The following RORA variants were observed in gnomAD, a reference collection of about 807,000 sequenced individuals.
The protein encoded by RORA is nuclear receptor ROR-alpha.
A neutral mutation model predicts 69.5 loss-of-function variants in RORA; 7 were observed. The ratio of observed to expected loss-of-function variants is 0.10; its 90% CI spans 0.06 to 0.19. The LOEUF (loss-of-function observed/expected upper bound fraction) is 0.19. Ranked by LOEUF, RORA falls within the 10% of genes least tolerant of loss-of-function variation. The pLI is 1.00. For missense variants in RORA, 457 were observed against 663.0 expected, an observed-to-expected ratio of 0.69 and a Z score of 3.41; for synonymous variants, 261 against 240.8, an observed-to-expected ratio of 1.08 and a Z score of -0.78.
At chr15:61,030,313 T>C (rs1214143537) in intron 1 of RORA, among the ~76,000 whole-genome samples, 2 of 152,194 alleles carry the variant, frequency 1.3e-5, no homozygotes, top group African/African-American at 2.4e-5. Flanking sequence ...TTTGCTGATA[T>C]TGATGGTTGT....
intron 2 of RORA, among the ~76,000 whole-genome samples, chr15:60,649,241 GA>G (rs11478657): frequency 0.21 from 30,196 of 143,720 alleles, 2,999 homozygotes; most frequent in Middle Eastern, 0.29. Context: ...TTGCTTCCAG[GA>G]AAAAAAAAAA....
chr15:60,865,775 G>A (rs1477143233), intron 1 of RORA, among the ~76,000 whole-genome samples: 1 of 152,130 alleles, frequency 6.6e-6, no homozygotes, highest in African/African-American at 2.4e-5. Flanking sequence ...CCCAACCACA[G>A]AGAGTTCCTA....
At chr15:60,778,691 C>T (rs1461211338) in intron 1 of RORA, among the ~76,000 whole-genome samples, 1 of 152,180 alleles carries the variant, frequency 6.6e-6, no homozygotes, top group African/African-American at 2.4e-5. Flanking sequence ...TTCTCCCACC[C>T]TTACCCCTTC....
Position 60,823,583 on chromosome 15 carries a change from A to C in RORA, c.167-144897T>G, listed in dbSNP as rs568986849. On this transcript the variant is annotated intron_variant, in intron 1 of 10. Transcript: ENST00000335670. ...ATGGATGGATAGACATTAGGTGCAT[A>C]TAGGCAAGACAGATGTCTGAATTTT... 9.2e-5 allele frequency among the ~76,000 whole-genome samples: 14 copies of C among 152,342 alleles called. No homozygotes were observed. The South Asian group carries it at 2.9e-3, about 32-fold the overall frequency.
chr15:60,533,577 C>T (rs920205), intron 2 of RORA, among the ~76,000 whole-genome samples: 75,831 of 152,126 alleles, frequency 0.5, 22,961 homozygotes, highest in East Asian at 0.83. Flanking sequence ...TGCCACAGAT[C>T]TGCAACTCTA....
intron 1 of RORA, among the ~76,000 whole-genome samples, chr15:60,693,838 G>T (rs1432551460): frequency 6.6e-6 from 1 of 152,058 alleles, no homozygotes; most frequent in Non-Finnish European, 1.5e-5. Flanking sequence ...TGGATAGGAA[G>T]AATCAATATC....
intron 2 of RORA, 199 bp downstream of exon 2, chr15:60,678,458 C>T: frequency 1.9e-6 from 1 of 539,726 alleles, no homozygotes; most frequent in Non-Finnish European, 3.3e-6. Context: ...TGTCTCTAGC[C>T]TCTCTCTTCA....
Position 60,534,266 on chromosome 15 carries a change from A to C in RORA, c.197-2415T>G, listed in dbSNP as rs1485973934. On this transcript the variant is annotated intron_variant, in intron 2 of 10. Transcript: ENST00000335670. This position sits in a 1 kb window ranked among gnomAD's most constrained non-coding sequence, Gnocchi z 5.0. ...AGCACTTCCACCCTTGGAATGGCTC[A>C]TGTCCTGGCAGGGGTGAGGGTAGGG... is the stretch of plus-strand genomic sequence containing the variant. 6.6e-6 allele frequency among the ~76,000 whole-genome samples: 1 copy of C among 152,116 alleles called. No homozygotes were observed. Among genetic ancestry groups the C allele is most frequent in the Non-Finnish European group, 1.5e-5 (1 of 68,002 alleles).
intron 1 of RORA, among the ~76,000 whole-genome samples, chr15:61,098,139 CCTT>C (rs2078820496): frequency 2.6e-5 from 3 of 114,918 alleles, no homozygotes; most frequent in African/African-American, 6.1e-5. Flanking sequence ...CTCCCTCCCT[CCTT>C]CTTTCCCTCC....
intron 1 of RORA, among the ~76,000 whole-genome samples, chr15:60,887,716 A>G (rs2073767121): frequency 1.3e-5 from 2 of 152,198 alleles, no homozygotes; most frequent in South Asian, 4.1e-4. Flanking sequence ...CAGTACTAGC[A>G]TGAAAGGTTG....
At chr15:61,058,756 G>A (rs1479893332) in intron 1 of RORA, among the ~76,000 whole-genome samples, 1 of 152,166 alleles carries the variant, frequency 6.6e-6, no homozygotes, top group Non-Finnish European at 1.5e-5. Flanking sequence ...TCATCACACT[G>A]TATCATAACG....
intron 1 of RORA, among the ~76,000 whole-genome samples, chr15:60,991,867 C>T (rs906940580): frequency 2.0e-5 from 3 of 151,898 alleles, no homozygotes; most frequent in Non-Finnish European, 4.4e-5. Flanking sequence ...GACAGCATCC[C>T]TGTACTCCAG....
At chr15:60,696,610 CATTTACTTT>C (rs2070910270) in intron 1 of RORA, among the ~76,000 whole-genome samples, 1 of 152,146 alleles carries the variant, frequency 6.6e-6, no homozygotes, top group East Asian at 1.9e-4. Flanking sequence ...TCATATTCCT[CATTTACTTT>C]AATTATATTG....
At chr15:60,541,161 G>C (rs2066859631) in intron 2 of RORA, among the ~76,000 whole-genome samples, 1 of 152,172 alleles carries the variant, frequency 6.6e-6, no homozygotes, top group Admixed American at 6.5e-5. Context: ...ACCACTTTAA[G>C]ATTGTAAGAT....
intron 1 of RORA, among the ~76,000 whole-genome samples, chr15:61,014,030 G>A (rs988643200): frequency 3.3e-5 from 5 of 151,978 alleles, no homozygotes; most frequent in Non-Finnish European, 4.4e-5. Flanking sequence ...TGATCTGCCC[G>A]CCTCGGCCTC....
chr15:60,916,237 G>T (rs1406795458), intron 1 of RORA, among the ~76,000 whole-genome samples: 1 of 152,154 alleles, frequency 6.6e-6, no homozygotes, highest in Non-Finnish European at 1.5e-5. Context: ...TCCCTCCAAT[G>T]CGTCTGTGTT....
chr15:60,694,587 A>G (rs1316145713), intron 1 of RORA, among the ~76,000 whole-genome samples: 1 of 152,170 alleles, frequency 6.6e-6, no homozygotes, highest in East Asian at 1.9e-4. Context: ...AAGAGATATA[A>G]CCAGGACTGG....
intron 1 of RORA, among the ~76,000 whole-genome samples, chr15:60,869,561 AT>A (rs2073529539): frequency 6.6e-6 from 1 of 152,220 alleles, no homozygotes; most frequent in African/African-American, 2.4e-5. Flanking sequence ...TCAACAGGAG[AT>A]TGCCAGTGGG....
chr15:60,524,855 T>C (rs1195716955), intron 3 of RORA, among the ~76,000 whole-genome samples: 1 of 152,196 alleles, frequency 6.6e-6, no homozygotes, highest in Non-Finnish European at 1.5e-5. Flanking sequence ...ATTGGCAAAG[T>C]AGGGATATGT....
Sources: gnomAD v4.1 joint callset for allele counts (sites outside exome capture counted in the v4.1 genomes callset) on GRCh38, gnomAD v4.1.1 for gene constraint, Gnocchi (gnomAD v3.1) non-coding constraint, MANE v1.5 for transcripts, NCBI Gene and HGNC (gene_info 2026-07-23, HGNC 2026-07-21) for gene names.